NKAIN2: variants seen among roughly 807,000 people sequenced by gnomAD.
The protein encoded by NKAIN2 is sodium/potassium-transporting ATPase subunit beta-1-interacting protein 2.
NKAIN2 carries 14 observed loss-of-function variants against 32.6 expected under a neutral mutation model. That is an observed-to-expected ratio of 0.43 (90% CI 0.28 to 0.67). NKAIN2 has a LOEUF of 0.67. NKAIN2 is among the 30% of genes least tolerant of loss of function. The pLI, the probability that NKAIN2 is intolerant of heterozygous loss-of-function variation, is 0.17. For synonymous variants in NKAIN2, 80 were observed against 87.2 expected (o/e 0.92, Z 0.46); for missense variants, 198 against 258.3 (o/e 0.77, Z 1.60).
chr6:124,725,366 A>G (rs1409110777), intron 4 of NKAIN2, among the ~76,000 whole-genome samples: 1 of 152,150 alleles, frequency 6.6e-6, no homozygotes, highest in Non-Finnish European at 1.5e-5. Flanking sequence ...GGCCTCCCAA[A>G]GCACTGAGAT....
chr6:124,134,738 A>T (rs957314397), intron 1 of NKAIN2, among the ~76,000 whole-genome samples: 1 of 152,176 alleles, frequency 6.6e-6, no homozygotes, highest in African/African-American at 2.4e-5. Flanking sequence ...TAATTGAGGA[A>T]AACTTCCCTG....
At chr6:124,780,363 G>C (rs1352249060) in intron 4 of NKAIN2, among the ~76,000 whole-genome samples, 5 of 152,208 alleles carry the variant, frequency 3.3e-5, no homozygotes, top group Non-Finnish European at 7.3e-5. Flanking sequence ...CACAGAGAGT[G>C]AGGAATGCCT....
In NKAIN2 at chr6:124,671,957, GCCA is replaced by G. The variant is rs561132788; in HGVS notation, c.474+13575_474+13577del. Among the ~76,000 whole-genome samples the G allele has an allele frequency of 9.2e-5, 14 of 151,450 alleles. No individual in the cohort carries two copies. In the East Asian group the frequency reaches 2.5e-3, roughly 27 times the overall value. ...GGCAGTTAGCTTTAATATTAGATTG[GCCA>G]CCAAGAACCATACAATATTTTAATG... is the stretch of plus-strand genomic sequence containing the variant. On this transcript the variant is annotated intron_variant, in intron 4 of 6. Transcript: ENST00000368417.
intron 1 of NKAIN2, among the ~76,000 whole-genome samples, chr6:123,938,170 T>G (rs1776609393): frequency 6.6e-6 from 1 of 151,750 alleles, no homozygotes; most frequent in Non-Finnish European, 1.5e-5. Context: ...CTAAATAAGA[T>G]TTCATGGCTT....
At chr6:123,881,379 C>A (rs562721404) in intron 1 of NKAIN2, among the ~76,000 whole-genome samples, 23 of 152,230 alleles carry the variant, frequency 1.5e-4, no homozygotes, top group African/African-American at 5.5e-4. Context: ...TTGTAAATAG[C>A]AAGAATGGCT....
chr6:124,443,406 A>C (rs1169292642), intron 3 of NKAIN2, among the ~76,000 whole-genome samples: 4 of 152,148 alleles, frequency 2.6e-5, no homozygotes, highest in African/African-American at 9.7e-5. Flanking sequence ...TAAGGCAATA[A>C]ATATTTACTG....
At chr6:123,814,249 A>C (rs1019614194) in intron 1 of NKAIN2, among the ~76,000 whole-genome samples, 27 of 152,208 alleles carry the variant, frequency 1.8e-4, no homozygotes, top group African/African-American at 6.3e-4. Context: ...TGGAATCCAC[A>C]ATAAATCAAA....
At chr6:124,024,110 G>A (rs1166714807) in intron 1 of NKAIN2, among the ~76,000 whole-genome samples, 1 of 152,012 alleles carries the variant, frequency 6.6e-6, no homozygotes, top group Non-Finnish European at 1.5e-5. Context: ...TTCTGCACTT[G>A]TACATACCAG....
At chr6:123,843,949 A>T (rs1774988181) in intron 1 of NKAIN2, among the ~76,000 whole-genome samples, 1 of 152,044 alleles carries the variant, frequency 6.6e-6, no homozygotes, top group South Asian at 2.1e-4. Flanking sequence ...CCTGTGATAC[A>T]CTCTTCCCTG....
At chr6:124,812,770 C>T (rs1268326485) in intron 5 of NKAIN2, among the ~76,000 whole-genome samples, 1 of 151,844 alleles carries the variant, frequency 6.6e-6, no homozygotes, top group Non-Finnish European at 1.5e-5. Context: ...ATGCCCCTGG[C>T]AAACAAATTT....
chr6:124,409,137 G>A (rs62436305), intron 3 of NKAIN2, among the ~76,000 whole-genome samples: 46,012 of 151,880 alleles, frequency 0.3, 7,353 homozygotes, highest in African/African-American at 0.4. Context: ...TGTCGTCTGC[G>A]AACAGGGACA....
intron 1 of NKAIN2, among the ~76,000 whole-genome samples, chr6:124,027,139 CT>C (rs60788673): frequency 0.087 from 11,846 of 136,910 alleles, 1,455 homozygotes; most frequent in African/African-American, 0.28. Context: ...AATTATCACT[CT>C]TTTTTTTTTT....
chr6:124,287,082 A>G (rs1330669431), intron 2 of NKAIN2, among the ~76,000 whole-genome samples: 2 of 152,162 alleles, frequency 1.3e-5, no homozygotes, highest in Non-Finnish European at 2.9e-5. Flanking sequence ...TTACCTTTAA[A>G]ACATCATAAA....
At chr6:124,212,484 G>A (rs1031071308) in intron 1 of NKAIN2, among the ~76,000 whole-genome samples, 2 of 151,984 alleles carry the variant, frequency 1.3e-5, no homozygotes, top group Non-Finnish European at 2.9e-5. Context: ...CCTAGGAATT[G>A]GTCCAATGGC....
chr6:124,219,715 A>C (rs1791706627), intron 1 of NKAIN2, among the ~76,000 whole-genome samples: 1 of 152,182 alleles, frequency 6.6e-6, no homozygotes, highest in African/African-American at 2.4e-5. Flanking sequence ...CTATAGGAAG[A>C]AGGTATTTCC....
At chr6:124,314,175 C>A (rs1411503304) in intron 2 of NKAIN2, among the ~76,000 whole-genome samples, 1 of 152,036 alleles carries the variant, frequency 6.6e-6, no homozygotes, top group Non-Finnish European at 1.5e-5. Context: ...TGTTTCCTAG[C>A]AGTCAATTCT....
At chr6:124,406,251 G>C (rs1435343354) in intron 3 of NKAIN2, among the ~76,000 whole-genome samples, 2 of 151,970 alleles carry the variant, frequency 1.3e-5, no homozygotes, top group Non-Finnish European at 2.9e-5. Context: ...CACCTGAGCT[G>C]TTCCTAGGCA....
intron 1 of NKAIN2, among the ~76,000 whole-genome samples, chr6:124,260,626 C>A (rs1050794440): frequency 1.3e-5 from 2 of 151,962 alleles, no homozygotes; most frequent in African/African-American, 4.8e-5. Flanking sequence ...GAGACTGGGG[C>A]CATTTGCAGG....
rs367978898 is a variant in NKAIN2 at position 123,904,866 on chromosome 6, T to G, written c.54+100612T>G. Among the ~76,000 whole-genome samples, 55 of 152,324 alleles carry G rather than the reference T, an allele frequency of 3.6e-4. No individual in the cohort carries two copies. In the South Asian group the frequency reaches 0.011, roughly 31 times the overall value. ...ACAGAACGAGTTGGTGTGGGCAGCCTGGTCTGAGTTCTTTTTGGATTGCGT... is the reference window on the plus strand; with the variant it reads ...ACAGAACGAGTTGGTGTGGGCAGCCGGGTCTGAGTTCTTTTTGGATTGCGT... On this transcript the variant is annotated intron_variant, in intron 1 of 6. Coordinates refer to ENST00000368417, the MANE Select transcript of NKAIN2 (RefSeq NM_001040214.3).
Sources: allele counts gnomAD v4.1 joint callset (sites outside exome capture counted in the v4.1 genomes callset), GRCh38; gene constraint gnomAD v4.1.1; transcripts MANE v1.5; gene names NCBI Gene and HGNC (gene_info 2026-07-23, HGNC 2026-07-21).